Variants in WDR5 observed in about 807,000 individuals in gnomAD.
WDR5 encodes the protein WD repeat-containing protein 5.
For synonymous variants in WDR5, 144 were observed against 161.6 expected, an observed-to-expected ratio of 0.89 and a Z score of 0.83; for missense variants, 187 against 416.9, an observed-to-expected ratio of 0.45 and a Z score of 4.80.
chr9:134,135,290 A>G (rs1202672544), upstream of WDR5: 1 of 152,086 alleles, frequency 6.6e-6, no homozygotes, highest in Non-Finnish European at 1.5e-5. Flanking sequence ...TCCTCTGGGG[A>G]CCACCCCCTT....
intron 1 of WDR5, among the ~76,000 whole-genome samples, chr9:134,136,635 C>T (rs1246043975): frequency 6.6e-6 from 1 of 152,212 alleles, no homozygotes; most frequent in Non-Finnish European, 1.5e-5. Flanking sequence ...CCGCTCCCGC[C>T]GCTCACCCCA....
intron 7 of WDR5, among the ~76,000 whole-genome samples, chr9:134,143,094 G>GT (rs1831980173): frequency 7.3e-6 from 1 of 137,310 alleles, no homozygotes; most frequent in Non-Finnish European, 1.6e-5. Flanking sequence ...GAGCACAGGT[G>GT]AAGTGTGAGT....
chr9:134,156,527 G>A lies in WDR5; in HGVS notation c.838G>A (p.Asp280Asn), dbSNP rs777881980. The A allele has an allele frequency of 3.7e-6, 6 of 1,614,096 alleles. No homozygotes were observed. Among genetic ancestry groups the A allele is most frequent in the Non-Finnish European group, 8.5e-7 (1 of 1,180,038 alleles). ...GGKWIVSGSE[D>N]NLVYIWNLQT... ...GTAGTGGATTGTGTCTGGCTCAGAG[G>A]ATAACCTTGTTTACATCTGGAACCT... Residue 280 changes from aspartate (D) to asparagine (N), a missense_variant, in exon 13 of 14, where the codon GAT becomes AAT. By Grantham distance (23) the Asp-to-Asn change is conservative (BLOSUM62 1). Transcript: ENST00000358625.
intron 3 of WDR5, 107 bp from the exon 4 acceptor site, chr9:134,141,403 C>G (rs1216984657): frequency 9.3e-7 from 1 of 1,070,522 alleles, no homozygotes; most frequent in Non-Finnish European, 1.4e-6. Flanking sequence ...CCATGTGGTT[C>G]ATGCTGATCA....
At chr9:134,140,948 G>T (rs1231417337) in intron 3 of WDR5, 137 bp downstream of exon 3, 17 of 784,356 alleles carry the variant, frequency 2.2e-5, no homozygotes. Flanking sequence ...TAGCAGGCGG[G>T]TGTGTCTCCT....
intron 3 of WDR5, 75 bp downstream of exon 3, chr9:134,140,886 C>A: frequency 7.1e-7 from 1 of 1,414,248 alleles, no homozygotes; most frequent in Non-Finnish European, 1.0e-6. Context: ...GAGGGGATGG[C>A]TTGCTTCCTC....
In WDR5 at chr9:134,142,031, T is replaced by C. The variant is rs1307180047; in HGVS notation, c.347T>C (p.Val116Ala). 2.5e-6 allele frequency: 4 copies of C among 1,614,068 alleles called. No homozygotes were observed. Among genetic ancestry groups the C allele is most frequent in the Non-Finnish European group, 3.4e-6 (4 of 1,179,960 alleles). The change falls in exon 5 of 14, where the codon GTG becomes GCG. Residue 116 changes from valine (V) to alanine (A), a missense_variant. By Grantham distance (64) the Val-to-Ala change is moderately conservative. Coordinates refer to ENST00000358625, the MANE Select transcript of WDR5 (RefSeq NM_017588.3). ...SDDKTLKIWD[V>A]SSGKCLKTLK... ...GACAAAACCTTGAAGATATGGGACG[T>C]GAGCTCGGTAAGTGACACTCAGTGC...
intron 6 of WDR5, 91 bp from the exon 7 acceptor site, chr9:134,142,545 G>T (rs935242309): frequency 5.1e-6 from 8 of 1,554,076 alleles, no homozygotes; most frequent in South Asian, 2.2e-5. Flanking sequence ...TGCTGTTTGT[G>T]GGGAGGATGG....
rs541890306 is a variant in WDR5 at position 134,137,556 on chromosome 9, C to T, written c.-59+1356C>T. Among the ~76,000 whole-genome samples, 8 of 151,806 alleles carry T rather than the reference C, an allele frequency of 5.3e-5. 1 individual carries two copies. The highest frequency in any genetic ancestry group is 3.3e-4 in the Admixed American group (5 of 15,214). On this transcript the variant is annotated intron_variant, in intron 1 of 13. Transcript: ENST00000358625. ...AAGATTGGCCGGGCGTAGTGGTACG[C>T]GCCTGTAATCCCGGCTAAACTGGAG... is the stretch of plus-strand genomic sequence containing the variant.
intron 9 of WDR5, among the ~76,000 whole-genome samples, chr9:134,152,873 A>T (rs2132574609): frequency 6.6e-6 from 1 of 152,208 alleles, no homozygotes; most frequent in East Asian, 1.9e-4. Flanking sequence ...TGGCTTATAG[A>T]CGCTGCCTTA....
In WDR5 at chr9:134,156,493, T is replaced by C. The variant is rs376808843; in HGVS notation, c.817-13T>C. ...TTTTCCTTGCCCTGTTTTCCCTGCT[T>C]GTTGTTACGTAGTGGATTGTGTCTG... On this transcript the variant is annotated splice_polypyrimidine_tract_variant and intron_variant, in intron 12 of 13. Transcript: ENST00000358625. 44 of 1,613,728 alleles carry C rather than the reference T, an allele frequency of 2.7e-5. No individual in the cohort carries two copies. The highest frequency in any genetic ancestry group is 3.6e-5 in the Non-Finnish European group (43 of 1,179,740).
In WDR5 at chr9:134,138,362, C is replaced by T. The variant is rs571012031; in HGVS notation, c.-58-1458C>T. ...CTGGCCTGGCTGTCTAACGCTAGGA[C>T]TGTTATAGTGGACTTTGCAGCTTTT... On this transcript the variant is annotated intron_variant, in intron 1 of 13. Coordinates refer to ENST00000358625, the MANE Select transcript of WDR5 (RefSeq NM_017588.3). 5.5e-3 allele frequency among the ~76,000 whole-genome samples: 837 copies of T among 152,294 alleles called. 2 individuals are homozygous for T. The highest frequency in any genetic ancestry group is 0.017 in the Middle Eastern group (5 of 294).
chr9:134,135,591 C>T (rs538353242), upstream of WDR5: 1 of 152,324 alleles, frequency 6.6e-6, no homozygotes, highest in African/African-American at 2.4e-5. Context: ...TCCTGCCCGC[C>T]CGGGGTGGGA....
chr9:134,137,209 C>G lies in WDR5; in HGVS notation c.-59+1009C>G, dbSNP rs113784502. On this transcript the variant is annotated intron_variant, in intron 1 of 13. Transcript: ENST00000358625. ...GTTTGGTTGCTCGGCTTCAGGTGGTCAGGCTTACCTGGATGAAAAGCAGTG... is the reference window on the plus strand; with the variant it reads ...GTTTGGTTGCTCGGCTTCAGGTGGTGAGGCTTACCTGGATGAAAAGCAGTG... 7.8e-3 allele frequency among the ~76,000 whole-genome samples: 1,189 copies of G among 152,284 alleles called. 10 individuals carry two copies. Among genetic ancestry groups the G allele is most frequent in the African/African-American group, 0.027 (1,140 of 41,560 alleles).
At chr9:134,136,325 G>A (rs1465030892) in intron 1 of WDR5, 125 bp downstream of exon 1, 1 of 149,908 alleles carries the variant, frequency 6.7e-6, no homozygotes, top group Non-Finnish European at 1.5e-5. Context: ...CCCAGCCCCG[G>A]GCGCTGCTCC....
chr9:134,144,347 A>G (rs1161880235), intron 7 of WDR5, among the ~76,000 whole-genome samples: 4 of 152,214 alleles, frequency 2.6e-5, no homozygotes, highest in African/African-American at 9.6e-5. Flanking sequence ...TAGTCAGCAG[A>G]GCTGACCTTC....
chr9:134,138,208 C>T (rs977439416), intron 1 of WDR5, among the ~76,000 whole-genome samples: 2 of 152,146 alleles, frequency 1.3e-5, no homozygotes, highest in Non-Finnish European at 2.9e-5. Flanking sequence ...TGTTTCCAGG[C>T]GTCTAGACTC....
Position 134,156,499 on chromosome 9 carries a change from T to A in WDR5, c.817-7T>A, listed in dbSNP as rs1387157772. 16 of 1,614,012 alleles carry A rather than the reference T, an allele frequency of 9.9e-6. No homozygotes were observed. The highest frequency in any genetic ancestry group is 1.3e-5 in the African/African-American group (1 of 74,940). ...TTGCCCTGTTTTCCCTGCTTGTTGT[T>A]ACGTAGTGGATTGTGTCTGGCTCAG... On this transcript the variant is annotated splice_polypyrimidine_tract_variant and splice_region_variant and intron_variant, in intron 12 of 13. Coordinates refer to ENST00000358625, the MANE Select transcript of WDR5 (RefSeq NM_017588.3).
At chr9:134,139,981 G>A (rs1173324606) in intron 2 of WDR5, 23 bp downstream of exon 2, 2 of 1,613,250 alleles carry the variant, frequency 1.2e-6, no homozygotes, top group Admixed American at 3.3e-5. Context: ...GGGCCCCTTG[G>A]ACACCTTCCG....
Sources: allele counts gnomAD v4.1 joint callset (sites outside exome capture counted in the v4.1 genomes callset), GRCh38; gene constraint gnomAD v4.1.1; transcripts MANE v1.5; gene names NCBI Gene and HGNC (gene_info 2026-07-23, HGNC 2026-07-21).